Variants in FHIT observed in about 807,000 individuals in gnomAD.
The protein encoded by FHIT is fragile histidine triad diadenosine triphosphatase.
A neutral mutation model predicts 17.9 loss-of-function variants in FHIT; 19 were observed. The observed-to-expected ratio is 1.06, with a 90% CI of 0.74 to 1.56. The LOEUF is 1.56. Ranked by LOEUF, FHIT falls within the 40% of genes most tolerant of loss-of-function variation. FHIT has a pLI of 0.00. For synonymous variants in FHIT, 81 were observed against 69.7 expected, an observed-to-expected ratio of 1.16 and a Z score of -0.81; for missense variants, 248 against 189.2, an observed-to-expected ratio of 1.31 and a Z score of -1.82.
chr3:60,117,008 ATCT>A (rs1174364875), intron 5 of FHIT, among the ~76,000 whole-genome samples: 8 of 152,198 alleles, frequency 5.3e-5, no homozygotes, highest in African/African-American at 1.7e-4. Context: ...TATTAAATAC[ATCT>A]TCTAGGGAGA....
At chr3:60,092,679 T>G (rs888188476) in intron 5 of FHIT, among the ~76,000 whole-genome samples, 1 of 152,112 alleles carries the variant, frequency 6.6e-6, no homozygotes, top group African/African-American at 2.4e-5. Flanking sequence ...GAAACACTGG[T>G]AAACTCATCC....
intron 5 of FHIT, among the ~76,000 whole-genome samples, chr3:60,281,181 T>C (rs1707432709): frequency 6.6e-6 from 1 of 152,144 alleles, no homozygotes; most frequent in Non-Finnish European, 1.5e-5. Flanking sequence ...TAAAAAATTC[T>C]GATGAAAGAA....
In FHIT at chr3:61,014,779, CAAAAAAAAA is replaced by C. The variant is rs869289360; in HGVS notation, c.-111+27259_-111+27267del. Among the ~76,000 whole-genome samples the C allele has an allele frequency of 5.7e-3, 373 of 65,752 alleles. 7 individuals carry two copies. The highest frequency in any genetic ancestry group is 0.04 in the African/African-American group (348 of 8,650). The allele number at this position is 65,752 out of a possible 152,430, so 43.1% of individuals were successfully genotyped here. A position where few individuals can be genotyped will look rare whatever the true frequency, so the allele number is the denominator to read the frequency against. On this transcript the variant is annotated intron_variant, in intron 3 of 9. Coordinates refer to ENST00000492590, the MANE Select transcript of FHIT (RefSeq NM_002012.4). ...TGGGTGACAGAGCGAGACTCTGCCT[CAAAAAAAAA>C]AAAAAAAAAAAAAAAAAAAATATAT... is the stretch of plus-strand genomic sequence containing the variant.
intron 8 of FHIT, among the ~76,000 whole-genome samples, chr3:59,759,216 C>T (rs1226431638): frequency 1.3e-5 from 2 of 151,758 alleles, no homozygotes; most frequent in Admixed American, 1.3e-4. Context: ...GGGGGGATGG[C>T]AGATCATTTG....
chr3:61,206,825 G>C (rs887858379), intron 1 of FHIT, among the ~76,000 whole-genome samples: 1 of 152,060 alleles, frequency 6.6e-6, no homozygotes, highest in Non-Finnish European at 1.5e-5. Context: ...TCTCCTGCCT[G>C]ATTGCCCTGG....
At chr3:60,155,616 C>G (rs952594707) in intron 5 of FHIT, among the ~76,000 whole-genome samples, 2 of 152,146 alleles carry the variant, frequency 1.3e-5, no homozygotes, top group Non-Finnish European at 2.9e-5. Context: ...CAAGGCTGGG[C>G]CATCAAATAC....
chr3:61,146,790 T>C (rs539726667), intron 2 of FHIT, among the ~76,000 whole-genome samples: 1 of 152,174 alleles, frequency 6.6e-6, no homozygotes, highest in South Asian at 2.1e-4. Flanking sequence ...TAGGAACTTA[T>C]TAAAACTATT....
chr3:60,450,215 A>T (rs903941162), intron 5 of FHIT, among the ~76,000 whole-genome samples: 2 of 140,800 alleles, frequency 1.4e-5, no homozygotes, highest in Admixed American at 6.8e-5. Flanking sequence ...TAAATTTATT[A>T]AAAAATAAAG....
At chr3:61,050,008 A>G (rs548072242) in intron 2 of FHIT, among the ~76,000 whole-genome samples, 3 of 152,162 alleles carry the variant, frequency 2.0e-5, no homozygotes, top group Non-Finnish European at 4.4e-5. Flanking sequence ...ACTCCCAATC[A>G]TATGTCCAAT....
intron 3 of FHIT, among the ~76,000 whole-genome samples, chr3:60,927,537 A>C (rs1481101793): frequency 6.6e-6 from 1 of 151,430 alleles, no homozygotes; most frequent in African/African-American, 2.4e-5. Flanking sequence ...GTAGGAAGTG[A>C]GGAGCGTCTC....
At chr3:60,644,424 T>C (rs1470405234) in intron 4 of FHIT, among the ~76,000 whole-genome samples, 2 of 152,196 alleles carry the variant, frequency 1.3e-5, no homozygotes, top group African/African-American at 4.8e-5. Context: ...CTGAAAAAAA[T>C]GGTTCTATTA....
chr3:61,234,550 A>T (rs13322666), intron 1 of FHIT, among the ~76,000 whole-genome samples: 18,178 of 152,276 alleles, frequency 0.12, 1,186 homozygotes, highest in African/African-American at 0.14. Context: ...CTAACAGAAC[A>T]AATATGCATG....
At position 59,748,915 on chromosome 3, in the gene FHIT, C is replaced by A. The variant is rs1290985371; in HGVS notation, c.*670G>T. 1.3e-5 allele frequency among the ~76,000 whole-genome samples: 2 copies of A among 152,006 alleles called. No homozygotes were observed. Among genetic ancestry groups the A allele is most frequent in the Non-Finnish European group, 2.9e-5 (2 of 68,018 alleles). ...AGTGTTATCAATTCCAGGGCTGAGC[C>A]CTATCATGTCTGCCTCTGTGCATGT... On this transcript the variant is annotated 3_prime_UTR_variant, in exon 10 of 10. Transcript: ENST00000492590.
At chr3:60,058,885 G>C (rs1702192433) in intron 5 of FHIT, among the ~76,000 whole-genome samples, 3 of 152,222 alleles carry the variant, frequency 2.0e-5, no homozygotes, top group Non-Finnish European at 2.9e-5. Flanking sequence ...TGTGAATTGG[G>C]AAACACAGAC....
intron 3 of FHIT, among the ~76,000 whole-genome samples, chr3:60,885,569 A>T (rs1705187726): frequency 6.6e-6 from 1 of 152,166 alleles, no homozygotes; most frequent in Non-Finnish European, 1.5e-5. Flanking sequence ...AGTTACTCTT[A>T]TGAGAAATTC....
chr3:60,331,354 G>A (rs1439242146), intron 5 of FHIT, among the ~76,000 whole-genome samples: 1 of 151,978 alleles, frequency 6.6e-6, no homozygotes, highest in Non-Finnish European at 1.5e-5. Context: ...CAAGTTTCAT[G>A]TTTCCTCTAT....
chr3:60,541,503 T>C (rs2036185287), intron 4 of FHIT, among the ~76,000 whole-genome samples: 1 of 152,162 alleles, frequency 6.6e-6, no homozygotes, highest in Non-Finnish European at 1.5e-5. Flanking sequence ...CTATTCGTAC[T>C]ACCTGGTTCT....
At chr3:60,222,820 G>C (rs1020878106) in intron 5 of FHIT, among the ~76,000 whole-genome samples, 1 of 152,132 alleles carries the variant, frequency 6.6e-6, no homozygotes, top group African/African-American at 2.4e-5. Flanking sequence ...AGAACTGCTT[G>C]AACTCGGGAG....
chr3:60,948,970 AT>A (rs1329471283), intron 3 of FHIT, among the ~76,000 whole-genome samples: 2 of 152,050 alleles, frequency 1.3e-5, no homozygotes, highest in Non-Finnish European at 2.9e-5. Context: ...GGCATAAAAT[AT>A]TCCCCATAAA....
Sources: gnomAD v4.1 joint callset for allele counts (sites outside exome capture counted in the v4.1 genomes callset) on GRCh38, gnomAD v4.1.1 for gene constraint, MANE v1.5 for transcripts, NCBI Gene and HGNC (gene_info 2026-07-23, HGNC 2026-07-21) for gene names.